Variants in TRERF1 observed in about 807,000 individuals in gnomAD.
TRERF1 encodes the protein transcriptional regulating factor 1, also known as transcriptional-regulating factor 1.
In TRERF1, 27 loss-of-function variants were observed where a neutral mutation model predicts 122.9. That is an observed-to-expected ratio of 0.22 (90% confidence interval 0.16 to 0.30). The LOEUF (loss-of-function observed/expected upper bound fraction) is 0.30, where lower values mean the gene tolerates loss of function less well. Ranked by LOEUF, TRERF1 falls within the 10% of genes least tolerant of loss-of-function variation. TRERF1 has a pLI of 1.00. For missense variants in TRERF1, 1,248 were observed against 1,560.3 expected (o/e 0.80, Z 3.37); for synonymous variants, 636 against 641.7 (o/e 0.99, Z 0.13).
At chr6:42,356,865 C>T (rs1372854245) in intron 3 of TRERF1, among the ~76,000 whole-genome samples, 1 of 152,074 alleles carries the variant, frequency 6.6e-6, no homozygotes, top group Non-Finnish European at 1.5e-5. Flanking sequence ...AGCCATTGCG[C>T]CCGGCCCATA....
In TRERF1 at chr6:42,259,203, AC is replaced by A; in HGVS notation, c.2269+135del. 8.2e-7 allele frequency: 1 copy of A among 1,212,844 alleles called. No homozygotes were observed. Among genetic ancestry groups the A allele is most frequent in the Non-Finnish European group, 1.1e-6 (1 of 915,456 alleles). The allele number at this position is 1,212,844 out of a possible 1,614,324, so 75.1% of individuals were successfully genotyped here. On this transcript the variant is annotated intron_variant, in intron 9 of 17. Transcript: ENST00000372922. This position sits in a 1 kb window ranked among gnomAD's most constrained non-coding sequence, Gnocchi z 4.9. ...CTATGTATTCCAAGTCTTTCTTAACACCCAGCAGCGCGTGCTACATACAGCC... is the reference window on the plus strand; with the variant it reads ...CTATGTATTCCAAGTCTTTCTTAACACCAGCAGCGCGTGCTACATACAGCC...
intron 2 of TRERF1, among the ~76,000 whole-genome samples, chr6:42,380,319 G>A (rs1416611692): frequency 1.3e-5 from 2 of 152,152 alleles, no homozygotes; most frequent in African/African-American, 4.8e-5. Context: ...GCAGGGCTCT[G>A]AGCCAGGGAA....
exon 18 of TRERF1, chr6:42,226,849 C>T (rs1365718959): frequency 1.3e-5 from 2 of 152,236 alleles, no homozygotes; most frequent in Admixed American, 1.3e-4. Flanking sequence ...AGCTGGGAAC[C>T]AGCATACCTG....
intron 12 of TRERF1, 47 bp from the exon 13 acceptor site, chr6:42,254,973 T>C: frequency 3.8e-6 from 6 of 1,584,528 alleles, no homozygotes; most frequent in Non-Finnish European, 5.2e-6. Flanking sequence ...AACTGGTCTG[T>C]GTGTCCTATG....
In TRERF1 at chr6:42,287,108, C is replaced by T. The variant is rs531903345; in HGVS notation, c.-259+13530G>A. 3.0e-5 allele frequency among the ~76,000 whole-genome samples: 4 copies of T among 135,262 alleles called. No individual in the cohort carries two copies. The East Asian group carries it at 8.7e-4, about 29-fold the overall frequency. 88.7% of individuals were successfully genotyped at this position (135,262 alleles called of 152,430 possible). On this transcript the variant is annotated intron_variant, in intron 4 of 17. Transcript: ENST00000372922. ...ATTGAACAATGAGATCACATGGACA[C>T]AGGAAGGGGAATATCACACTCTGGG...
intron 2 of TRERF1, among the ~76,000 whole-genome samples, chr6:42,402,584 C>A (rs914905831): frequency 6.6e-6 from 1 of 152,114 alleles, no homozygotes; most frequent in Non-Finnish European, 1.5e-5. Context: ...TCTTATAAGT[C>A]ATTTCTTTTG....
downstream of TRERF1, chr6:42,225,215 T>TC (rs1447108806): frequency 4.0e-5 from 6 of 151,000 alleles, no homozygotes; most frequent in African/African-American, 9.7e-5. Context: ...TTTTTCTTTT[T>TC]TTTTTTTTTA....
rs143818031 is a variant in TRERF1 at position 42,408,373 on chromosome 6, C to T, written c.-454+42804G>A. ...TGTGTGTGTATATATATATATATAT[C>T]TTTTTTTTTTTTTTTTTTTGAGAAA... On this transcript the variant is annotated intron_variant, in intron 2 of 17. Coordinates refer to ENST00000372922, the Ensembl canonical transcript of TRERF1. 3.8e-3 allele frequency among the ~76,000 whole-genome samples: 241 copies of T among 62,954 alleles called. 6 individuals are homozygous for T. Among genetic ancestry groups the T allele is most frequent in the African/African-American group, 8.8e-3 (136 of 15,496 alleles). 41.3% of individuals were successfully genotyped at this position (62,954 alleles called of 152,430 possible).
intron 8 of TRERF1, among the ~76,000 whole-genome samples, chr6:42,262,601 C>CAGAGAGAGAGAGAGAGAGAGAG (rs1554134255): frequency 1.4e-4 from 8 of 59,186 alleles, no homozygotes; most frequent in Non-Finnish European, 2.1e-4. Context: ...GAGAGAGAGA[C>CAGAGAGAGAGAGAGAGAGAGAG]AGACAGACGG....
chr6:42,264,386 AAGC>A (rs1215801950), intron 7 of TRERF1, among the ~76,000 whole-genome samples: 5 of 152,278 alleles, frequency 3.3e-5, no homozygotes, highest in Non-Finnish European at 7.3e-5. Context: ...TGGGTGTGTC[AAGC>A]AGCAGAAGTT....
In TRERF1 at chr6:42,232,777, T is replaced by C. The variant is rs151223302; in HGVS notation, c.3182A>G (p.Gln1061Arg). The change falls in exon 17 of 18, where the codon CAG becomes CGG. Residue 1061 changes from glutamine to arginine, a missense_variant. This residue lies in a region of TRERF1 where 159 missense variants were observed against 221.7 expected (regional missense o/e 0.72). Coordinates refer to ENST00000372922, the Ensembl canonical transcript of TRERF1. This position sits in a 1 kb window ranked among gnomAD's most constrained non-coding sequence, Gnocchi z 4.5. Reference sequence around the variant, plus strand: ...GCTCTTTACCGAACAGTACCCACTCTGGGTGCCACCAGGCTTCTGCTTCCC... The same window carrying C: ...GCTCTTTACCGAACAGTACCCACTCCGGGTGCCACCAGGCTTCTGCTTCCC... 1 of 1,613,392 alleles carries C rather than the reference T, an allele frequency of 6.2e-7. No individual in the cohort carries two copies. The highest frequency in any genetic ancestry group is 1.1e-5 in the South Asian group (1 of 90,930).
At chr6:42,437,054 C>G (rs1785580989) in intron 2 of TRERF1, among the ~76,000 whole-genome samples, 1 of 151,976 alleles carries the variant, frequency 6.6e-6, no homozygotes, top group Non-Finnish European at 1.5e-5. Flanking sequence ...TCATCATCAT[C>G]TTGCTTAGCA....
At position 42,376,536 on chromosome 6, in the gene TRERF1, CTTTTTTT is replaced by C. The variant is rs781389630; in HGVS notation, c.-453-13464_-453-13458del. ...AACCTTCATGACTTTTCGTCTAATT[CTTTTTTT>C]TTTTTTTTTTTTTTTTTTGAGACAG... is the stretch of plus-strand genomic sequence containing the variant. On this transcript the variant is annotated intron_variant, in intron 2 of 17. Transcript: ENST00000372922. 4.9e-3 allele frequency among the ~76,000 whole-genome samples: 469 copies of C among 96,322 alleles called. 2 individuals carry two copies. Among genetic ancestry groups the C allele is most frequent in the African/African-American group, 0.019 (419 of 22,316 alleles). 63.2% of individuals were successfully genotyped at this position (96,322 alleles called of 152,430 possible).
chr6:42,241,751 C>T (rs895526912), intron 15 of TRERF1, among the ~76,000 whole-genome samples: 3 of 152,112 alleles, frequency 2.0e-5, no homozygotes, highest in African/African-American at 7.2e-5. Flanking sequence ...TTTGAGCCAC[C>T]GTGCCTGGCC....
chr6:42,303,473 T>C (rs1786573900), intron 3 of TRERF1, among the ~76,000 whole-genome samples: 1 of 152,148 alleles, frequency 6.6e-6, no homozygotes, highest in Admixed American at 6.5e-5. Flanking sequence ...GTGCTGCTGG[T>C]ACACCGAGTA....
intron 4 of TRERF1, among the ~76,000 whole-genome samples, chr6:42,283,977 C>T (rs1200983958): frequency 6.6e-6 from 1 of 152,136 alleles, no homozygotes; most frequent in Non-Finnish European, 1.5e-5. Flanking sequence ...TTTATTTTAA[C>T]TTAAAACACA....
intron 2 of TRERF1, among the ~76,000 whole-genome samples, chr6:42,385,679 C>G (rs978408654): frequency 1.3e-5 from 2 of 152,164 alleles, no homozygotes; most frequent in African/African-American, 2.4e-5. Flanking sequence ...GCATATTACT[C>G]AAAGGCACCA....
chr6:42,325,679 G>A (rs1764169030), intron 3 of TRERF1, among the ~76,000 whole-genome samples: 1 of 152,170 alleles, frequency 6.6e-6, no homozygotes, highest in Admixed American at 6.5e-5. Flanking sequence ...ATCAAGACTA[G>A]GCTGGAGAAC....
At chr6:42,321,808 G>A (rs1278396511) in intron 3 of TRERF1, among the ~76,000 whole-genome samples, 1 of 151,638 alleles carries the variant, frequency 6.6e-6, no homozygotes, top group African/African-American at 2.4e-5. Context: ...TTAAATGTTG[G>A]CTGTAAGCCT....
Sources: gnomAD v4.1 joint callset for allele counts (sites outside exome capture counted in the v4.1 genomes callset) on GRCh38, gnomAD v4.1.1 for gene constraint, gnomAD v4.1.1 regional missense constraint, Gnocchi (gnomAD v3.1) non-coding constraint, MANE v1.5 for transcripts, NCBI Gene and HGNC (gene_info 2026-07-23, HGNC 2026-07-21) for gene names.